SPECC1L: variants seen among roughly 807,000 people sequenced by gnomAD.
SPECC1L encodes the protein cytospin-A.
Under a neutral mutation model 116.8 loss-of-function variants are expected in SPECC1L, and 40 were observed. That is an observed-to-expected ratio of 0.34 (90% CI 0.27 to 0.45). SPECC1L has a LOEUF of 0.45. Among genes scored for constraint, SPECC1L ranks in the 20% least tolerant of loss-of-function variants. The pLI is 1.00. For synonymous variants in SPECC1L, 504 were observed against 500.6 expected (o/e 1.01, Z -0.09); for missense variants, 1,110 against 1,373.6 (o/e 0.81, Z 3.03).
intron 11 of SPECC1L, among the ~76,000 whole-genome samples, chr22:24,357,472 GT>G (rs2041554959): frequency 1.3e-5 from 2 of 152,114 alleles, no homozygotes; most frequent in Non-Finnish European, 2.9e-5. Flanking sequence ...GTACCATTTG[GT>G]TTTATTGATT....
intron 10 of SPECC1L, chr22:24,343,400 C>T (rs1290037501): frequency 2.4e-6 from 1 of 419,612 alleles, no homozygotes; most frequent in Non-Finnish European, 4.7e-6. Flanking sequence ...AGAATGATCA[C>T]AGACTTCTAG....
intron 2 of SPECC1L, among the ~76,000 whole-genome samples, chr22:24,280,629 G>C (rs2048924150): frequency 6.7e-6 from 1 of 149,174 alleles, no homozygotes. Flanking sequence ...TCAGGCTGGA[G>C]GGCAGCAGTA....
At chr22:24,392,852 C>T (rs2042298023) in intron 14 of SPECC1L, among the ~76,000 whole-genome samples, 1 of 152,240 alleles carries the variant, frequency 6.6e-6, no homozygotes, top group Admixed American at 6.5e-5. Flanking sequence ...AGAGGTGGAA[C>T]TAGCTGATGG....
At chr22:24,382,704 CAAAA>C (rs34174849) in intron 14 of SPECC1L, among the ~76,000 whole-genome samples, 2 of 59,656 alleles carry the variant, frequency 3.4e-5, no homozygotes, top group Admixed American at 2.1e-4. Context: ...GACTCCATCT[CAAAA>C]AAAAAAAAAA....
chr22:24,361,216 A>G (rs992060074), intron 11 of SPECC1L, among the ~76,000 whole-genome samples: 1 of 151,950 alleles, frequency 6.6e-6, no homozygotes, highest in Non-Finnish European at 1.5e-5. Context: ...TGGGCAAGAT[A>G]GTGAGACCTC....
intron 14 of SPECC1L, among the ~76,000 whole-genome samples, chr22:24,404,810 C>A (rs559379441): frequency 6.6e-6 from 1 of 152,206 alleles, no homozygotes; most frequent in African/African-American, 2.4e-5. Flanking sequence ...TGAGGACTCG[C>A]TGAGTGTGCA....
intron 14 of SPECC1L, among the ~76,000 whole-genome samples, chr22:24,389,242 A>G (rs1443191857): frequency 1.3e-5 from 2 of 149,526 alleles, no homozygotes; most frequent in African/African-American, 2.5e-5. Flanking sequence ...TCAGCCTCCC[A>G]AGTAGCTGGG....
intron 14 of SPECC1L, among the ~76,000 whole-genome samples, chr22:24,374,689 GGGTGCA>G (rs906515356): frequency 9.9e-5 from 15 of 151,244 alleles, no homozygotes; most frequent in Admixed American, 9.9e-4. Context: ...ACGAGTTGAT[GGGTGCA>G]GCACACCAAC....
At chr22:24,318,816 C>T (rs1169155293) in intron 4 of SPECC1L, among the ~76,000 whole-genome samples, 1 of 151,620 alleles carries the variant, frequency 6.6e-6, no homozygotes, top group Non-Finnish European at 1.5e-5. Context: ...GTAGTCCTAG[C>T]TACTCGGGTG....
At chr22:24,355,795 C>T (rs2041520718) in intron 11 of SPECC1L, among the ~76,000 whole-genome samples, 1 of 151,374 alleles carries the variant, frequency 6.6e-6, no homozygotes, top group African/African-American at 2.4e-5. Flanking sequence ...TTCTGTTCTC[C>T]TCCCCTTCTC....
At chr22:24,331,364 C>G (rs1450648978) in intron 8 of SPECC1L, among the ~76,000 whole-genome samples, 1 of 152,140 alleles carries the variant, frequency 6.6e-6, no homozygotes, top group Non-Finnish European at 1.5e-5. Flanking sequence ...TCATTGGATT[C>G]CTTAAGCAGA....
intron 2 of SPECC1L, among the ~76,000 whole-genome samples, chr22:24,298,587 A>G (rs2049313844): frequency 6.6e-6 from 1 of 152,212 alleles, no homozygotes. Context: ...AAGGCCTGAA[A>G]ACCAGGAGAG....
At chr22:24,275,881 C>G (rs2048827148) in intron 1 of SPECC1L, among the ~76,000 whole-genome samples, 1 of 152,074 alleles carries the variant, frequency 6.6e-6, no homozygotes, top group Non-Finnish European at 1.5e-5. Flanking sequence ...GCTAATTTTA[C>G]AAAAATTGTT....
In SPECC1L at chr22:24,415,854, T is replaced by C. The variant is rs2042791901; in HGVS notation, c.*1231T>C. 6.6e-6 allele frequency: 1 copy of C among 152,250 alleles called. No homozygotes were observed. The highest frequency in any genetic ancestry group is 2.4e-5 in the African/African-American group (1 of 41,458). 9.4% of individuals were successfully genotyped at this position (152,250 alleles called of 1,614,324 possible). A position where few individuals can be genotyped will look rare whatever the true frequency, so the allele number is the denominator to read the frequency against. ...CAAAGCCTTATTTAAAGGTGGTCAC[T>C]GGAGATGCTCTCAGGCCAGAACTCA... is the stretch of plus-strand genomic sequence containing the variant. On this transcript the variant is annotated 3_prime_UTR_variant, in exon 17 of 17. Coordinates refer to ENST00000314328, the MANE Select transcript of SPECC1L (RefSeq NM_015330.6).
intron 14 of SPECC1L, among the ~76,000 whole-genome samples, chr22:24,387,313 C>T (rs555615366): frequency 3.3e-5 from 5 of 152,304 alleles, no homozygotes; most frequent in African/African-American, 1.2e-4. Flanking sequence ...GGAGTCTAAA[C>T]TATGATTCCA....
At chr22:24,271,257 G>C (rs1042181790) in intron 1 of SPECC1L, among the ~76,000 whole-genome samples, 1 of 152,256 alleles carries the variant, frequency 6.6e-6, no homozygotes, top group African/African-American at 2.4e-5. Flanking sequence ...GGTTCAGCTG[G>C]TTCTGGGACC....
chr22:24,367,159 C>T (rs969738710), intron 13 of SPECC1L, among the ~76,000 whole-genome samples: 5 of 152,212 alleles, frequency 3.3e-5, no homozygotes, highest in African/African-American at 1.2e-4. Flanking sequence ...TGCGACTGCA[C>T]TCCAGCCTGG....
intron 10 of SPECC1L, among the ~76,000 whole-genome samples, chr22:24,341,873 G>A (rs2041182825): frequency 6.6e-6 from 1 of 152,210 alleles, no homozygotes; most frequent in Admixed American, 6.5e-5. Context: ...AGGAAGTGTG[G>A]GAACAGATCT....
chr22:24,283,173 G>T (rs1294507731), intron 2 of SPECC1L, among the ~76,000 whole-genome samples: 1 of 152,018 alleles, frequency 6.6e-6, no homozygotes, highest in Non-Finnish European at 1.5e-5. Flanking sequence ...CCTCTTCCTG[G>T]GTTCACACCA....
Sources: allele counts gnomAD v4.1 joint callset (sites outside exome capture counted in the v4.1 genomes callset), GRCh38; gene constraint gnomAD v4.1.1; transcripts MANE v1.5; gene names NCBI Gene and HGNC (gene_info 2026-07-23, HGNC 2026-07-21).